The following PIAS1 variants were observed in gnomAD, a reference collection of about 807,000 sequenced individuals.
PIAS1 encodes the protein E3 SUMO-protein ligase PIAS1.
Under a neutral mutation model 71.3 loss-of-function variants are expected in PIAS1, and 6 were observed. The ratio of observed to expected loss-of-function variants is 0.08; its 90% CI spans 0.05 to 0.17. The LOEUF is 0.17. Among genes scored for constraint, PIAS1 ranks in the 10% least tolerant of loss-of-function variants. PIAS1 has a pLI of 1.00. For missense variants in PIAS1, 555 were observed against 793.6 expected (o/e 0.70, Z 3.61); for synonymous variants, 303 against 292.9 (o/e 1.03, Z -0.35).
rs1026527967 is a variant in PIAS1, at chr15:68,143,876, T to C, written c.602+1539T>C. Among the ~76,000 whole-genome samples, 3 of 152,136 alleles carry C rather than the reference T, an allele frequency of 2.0e-5. No homozygotes were observed. The East Asian group carries it at 5.8e-4, about 29-fold the overall frequency. On this transcript the variant is annotated intron_variant, in intron 4 of 13. Transcript: ENST00000249636. ...CTTTTATCTGTTTTGCATGTTTGAC[T>C]CTGGGTTAATTTTTGCTTAAAGACA...
At chr15:68,142,383 T>G in intron 4 of PIAS1, 46 bp downstream of exon 4, 1 of 1,355,170 alleles carries the variant, frequency 7.4e-7, no homozygotes, top group Non-Finnish European at 1.1e-6. Flanking sequence ...AAAGATAATA[T>G]TCCTTTTCAC....
intron 2 of PIAS1, among the ~76,000 whole-genome samples, chr15:68,119,717 T>A (rs2092597694): frequency 6.6e-6 from 1 of 152,236 alleles, no homozygotes; most frequent in South Asian, 2.1e-4. Context: ...TCTTCTGTAT[T>A]CTTCCAATTT....
chr15:68,066,804 A>G (rs944541916), intron 1 of PIAS1, among the ~76,000 whole-genome samples: 1 of 152,170 alleles, frequency 6.6e-6, no homozygotes, highest in Non-Finnish European at 1.5e-5. Flanking sequence ...TTAAAAAAAA[A>G]GTATAGTATT....
Position 68,189,776 on chromosome 15 carries a change from CCAAAA to C in PIAS1, c.*1944_*1948del, listed in dbSNP as rs1034153434. On this transcript the variant is annotated 3_prime_UTR_variant, in exon 14 of 14. Coordinates refer to ENST00000249636, the MANE Select transcript of PIAS1 (RefSeq NM_016166.3). ...AAAACAATTTGCAATAAAAAAAAAACCAAAACAGATTGTCAGTTAACCAGGAAACA... is the reference window on the plus strand; with the variant it reads ...AAAACAATTTGCAATAAAAAAAAAACCAGATTGTCAGTTAACCAGGAAACA... 3 of 151,498 alleles carry C rather than the reference CCAAAA, an allele frequency of 2.0e-5. No individual in the cohort carries two copies. The highest frequency in any genetic ancestry group is 7.3e-5 in the African/African-American group (3 of 41,204). 9.4% of individuals were successfully genotyped at this position (151,498 alleles called of 1,614,324 possible).
At chr15:68,099,207 G>A (rs1013638471) in intron 2 of PIAS1, among the ~76,000 whole-genome samples, 4 of 149,544 alleles carry the variant, frequency 2.7e-5, no homozygotes, top group East Asian at 1.9e-4. Flanking sequence ...ATTTATGAGC[G>A]GAGTTTTACT....
intron 4 of PIAS1, among the ~76,000 whole-genome samples, chr15:68,142,695 C>T (rs2092780459): frequency 8.4e-6 from 1 of 118,792 alleles, no homozygotes; most frequent in African/African-American, 3.2e-5. Flanking sequence ...TATTTGATTG[C>T]CCTCAGTTGG....
At chr15:68,133,026 A>G (rs2092698242) in intron 2 of PIAS1, among the ~76,000 whole-genome samples, 1 of 147,108 alleles carries the variant, frequency 6.8e-6, no homozygotes, top group South Asian at 2.2e-4. Flanking sequence ...ATGTATTATT[A>G]CTTCCTCTCT....
chr15:68,162,909 A>G (rs1313754466), intron 7 of PIAS1, among the ~76,000 whole-genome samples: 1 of 152,192 alleles, frequency 6.6e-6, no homozygotes, highest in Non-Finnish European at 1.5e-5. Context: ...GAGAAAGTGA[A>G]TTTATTTTCC....
intron 6 of PIAS1, among the ~76,000 whole-genome samples, chr15:68,151,826 C>A (rs2092847805): frequency 6.6e-6 from 1 of 150,950 alleles, no homozygotes; most frequent in Admixed American, 6.6e-5. Context: ...CGCCACTGCA[C>A]TCCGGCCTGG....
At chr15:68,164,858 TTTA>T in intron 8 of PIAS1, 54 bp downstream of exon 8, 1 of 929,904 alleles carries the variant, frequency 1.1e-6, no homozygotes, top group South Asian at 1.6e-5. Context: ...ATTTTCTCTT[TTTA>T]TTAAGTATTT....
chr15:68,162,100 A>G (rs1567070705), intron 7 of PIAS1, among the ~76,000 whole-genome samples: 1 of 151,994 alleles, frequency 6.6e-6, no homozygotes, highest in Non-Finnish European at 1.5e-5. Context: ...TCTGTGAGGT[A>G]CTATTATTGT....
intron 11 of PIAS1, among the ~76,000 whole-genome samples, chr15:68,177,503 CACA>C (rs1364574270): frequency 1.3e-5 from 2 of 152,166 alleles, no homozygotes; most frequent in South Asian, 2.1e-4. Flanking sequence ...TGTTGCAGCA[CACA>C]ACATTTCCCA....
chr15:68,058,522 A>G (rs2091921380), intron 1 of PIAS1, among the ~76,000 whole-genome samples: 3 of 152,170 alleles, frequency 2.0e-5, no homozygotes. Context: ...TAAAGGTCCT[A>G]CAGCAGACCT....
chr15:68,139,312 G>T (rs1248795297), intron 2 of PIAS1, among the ~76,000 whole-genome samples: 2 of 151,982 alleles, frequency 1.3e-5, no homozygotes, highest in Non-Finnish European at 2.9e-5. Context: ...GCCTGACAAA[G>T]TAAAGGCCAC....
chr15:68,121,188 C>G (rs937935011), intron 2 of PIAS1, among the ~76,000 whole-genome samples: 1 of 151,564 alleles, frequency 6.6e-6, no homozygotes, highest in Non-Finnish European at 1.5e-5. Context: ...TTGTATGTCT[C>G]AGAGTTTTTA....
intron 2 of PIAS1, among the ~76,000 whole-genome samples, chr15:68,138,304 C>T (rs2141042600): frequency 6.6e-6 from 1 of 152,202 alleles, no homozygotes; most frequent in Non-Finnish European, 1.5e-5. Flanking sequence ...GCCTCTTGAA[C>T]TGCTTGAAAG....
intron 13 of PIAS1, 108 bp downstream of exon 13, chr15:68,183,775 A>T: frequency 1.8e-6 from 1 of 563,718 alleles, no homozygotes; most frequent in Non-Finnish European, 3.3e-6. Context: ...ATTCCATAAG[A>T]TTATAATGGA....
intron 2 of PIAS1, among the ~76,000 whole-genome samples, chr15:68,094,822 C>A (rs1224165271): frequency 6.6e-6 from 1 of 152,166 alleles, no homozygotes. Context: ...AAATTTTTCT[C>A]CCTAATTGGC....
intron 2 of PIAS1, among the ~76,000 whole-genome samples, chr15:68,090,547 G>A (rs1399621606): frequency 2.0e-5 from 3 of 151,852 alleles, no homozygotes; most frequent in African/African-American, 7.2e-5. Flanking sequence ...TGGTAGTTCA[G>A]TAAACATTTA....
Sources: allele counts gnomAD v4.1 joint callset (sites outside exome capture counted in the v4.1 genomes callset), GRCh38; gene constraint gnomAD v4.1.1; transcripts MANE v1.5; gene names NCBI Gene and HGNC (gene_info 2026-07-23, HGNC 2026-07-21).